UNC13C: variants seen among roughly 807,000 people sequenced by gnomAD.
The protein encoded by UNC13C is unc-13 homolog C.
UNC13C carries 174 observed loss-of-function variants against 245.4 expected under a neutral mutation model. That is an observed-to-expected ratio of 0.71 (90% confidence interval 0.63 to 0.80). The LOEUF is 0.80. Among genes scored for constraint, UNC13C ranks in the 30% least tolerant of loss-of-function variants. The probability of loss-of-function intolerance (pLI) is 0.00; values close to 1 mark genes in which losing one functional copy is unlikely to be tolerated. For missense variants in UNC13C, 2,829 were observed against 2,602.9 expected (o/e 1.09, Z -1.89); for synonymous variants, 992 against 895.1 (o/e 1.11, Z -1.93).
intron 28 of UNC13C, among the ~76,000 whole-genome samples, chr15:54,554,593 C>T (rs889969213): frequency 2.0e-5 from 3 of 151,976 alleles, no homozygotes; most frequent in East Asian, 1.9e-4. Context: ...AAACGTTTTC[C>T]CTGTATTAAA....
chr15:54,288,685 T>C (rs777516740), intron 10 of UNC13C, among the ~76,000 whole-genome samples: 4 of 152,110 alleles, frequency 2.6e-5, no homozygotes, highest in Non-Finnish European at 5.9e-5. Context: ...AGTGTACTTA[T>C]AGCGTCTGCC....
At chr15:54,175,575 C>G (rs1013853169) in intron 4 of UNC13C, among the ~76,000 whole-genome samples, 1 of 141,650 alleles carries the variant, frequency 7.1e-6, no homozygotes, top group Non-Finnish European at 1.5e-5. Flanking sequence ...CGTAGTGGCG[C>G]GATCTCGGCT....
chr15:54,309,338 T>A (rs1484450998), intron 13 of UNC13C, among the ~76,000 whole-genome samples: 4 of 152,080 alleles, frequency 2.6e-5, no homozygotes, highest in Admixed American at 2.6e-4. Context: ...TTTGCCCATT[T>A]TTTAATCATG....
At chr15:54,395,186 A>G (rs1246920981) in intron 18 of UNC13C, among the ~76,000 whole-genome samples, 1 of 151,744 alleles carries the variant, frequency 6.6e-6, no homozygotes, top group East Asian at 1.9e-4. Context: ...TTAGTTTCTC[A>G]TTTAATTTAA....
chr15:54,448,783 TA>T (rs1200744417), intron 19 of UNC13C, among the ~76,000 whole-genome samples: 1 of 152,234 alleles, frequency 6.6e-6, no homozygotes, highest in Admixed American at 6.5e-5. Context: ...CATTTAAGGT[TA>T]ATATTGTTAT....
At chr15:53,950,249 CAGT>C in the UNC13C span, among the ~76,000 whole-genome samples, 1 of 152,168 alleles carries the variant, frequency 6.6e-6, no homozygotes, top group Non-Finnish European at 1.5e-5. Flanking sequence ...TTAATTTTCA[CAGT>C]AGCCATGTGA....
intron 18 of UNC13C, among the ~76,000 whole-genome samples, chr15:54,397,668 C>A (rs2040098002): frequency 6.6e-6 from 1 of 151,280 alleles, no homozygotes; most frequent in Non-Finnish European, 1.5e-5. Context: ...ATGGCATGTA[C>A]ATGCATTAAG....
intron 2 of UNC13C, among the ~76,000 whole-genome samples, chr15:54,117,872 C>T (rs1056571807): frequency 3.9e-5 from 6 of 152,114 alleles, no homozygotes; most frequent in East Asian, 1.9e-4. Context: ...TGTACTACCA[C>T]GCCTGGCCCC....
the UNC13C span, among the ~76,000 whole-genome samples, chr15:53,906,812 A>C: frequency 6.6e-6 from 1 of 152,206 alleles, no homozygotes; most frequent in African/African-American, 2.4e-5. Context: ...GGTCCTCAAG[A>C]AACTTATAAT....
intron 18 of UNC13C, among the ~76,000 whole-genome samples, chr15:54,395,982 T>A (rs1012636202): frequency 6.6e-6 from 1 of 151,750 alleles, no homozygotes; most frequent in East Asian, 1.9e-4. Context: ...TATAATGAAT[T>A]TTAGATGTTT....
chr15:54,317,622 T>A (rs2038042056), intron 13 of UNC13C, among the ~76,000 whole-genome samples: 2 of 151,990 alleles, frequency 1.3e-5, no homozygotes, highest in African/African-American at 2.4e-5. Flanking sequence ...AACTGACAGA[T>A]AAAATTATAC....
chr15:53,944,313 A>G, the UNC13C span, among the ~76,000 whole-genome samples: 1 of 152,088 alleles, frequency 6.6e-6, no homozygotes, highest in African/African-American at 2.4e-5. Context: ...TATAATTAAA[A>G]TCATTTCACG....
At chr15:54,178,616 G>A (rs951156638) in intron 4 of UNC13C, among the ~76,000 whole-genome samples, 3 of 152,056 alleles carry the variant, frequency 2.0e-5, no homozygotes, top group African/African-American at 7.2e-5. Flanking sequence ...TGTTGTTTTC[G>A]TCCCTGGAAA....
At chr15:54,244,041 A>G (rs1355118667) in intron 7 of UNC13C, among the ~76,000 whole-genome samples, 1 of 152,140 alleles carries the variant, frequency 6.6e-6, no homozygotes, top group Non-Finnish European at 1.5e-5. Context: ...TTTTGTCATG[A>G]AATCTTTGCC....
At chr15:53,946,442 C>CTTTT in the UNC13C span, among the ~76,000 whole-genome samples, 1 of 68,950 alleles carries the variant, frequency 1.5e-5, no homozygotes, top group Admixed American at 1.6e-4. Flanking sequence ...CTGAGGTGTT[C>CTTTT]TTTTTTTTGT....
chr15:54,385,927 C>T (rs2039828133), intron 17 of UNC13C, among the ~76,000 whole-genome samples: 1 of 152,118 alleles, frequency 6.6e-6, no homozygotes, highest in Non-Finnish European at 1.5e-5. Flanking sequence ...TTGATTGTGC[C>T]TATAATTCTC....
intron 17 of UNC13C, among the ~76,000 whole-genome samples, chr15:54,386,112 G>A (rs1019781274): frequency 1.3e-5 from 2 of 152,122 alleles, no homozygotes; most frequent in African/African-American, 2.4e-5. Flanking sequence ...GTTGCCGTCT[G>A]TATATATAAA....
intron 4 of UNC13C, among the ~76,000 whole-genome samples, chr15:54,222,118 C>T (rs1326535927): frequency 6.6e-6 from 1 of 151,958 alleles, no homozygotes; most frequent in Non-Finnish European, 1.5e-5. Context: ...TTCGATCATA[C>T]TATATTAGTT....
intron 20 of UNC13C, among the ~76,000 whole-genome samples, chr15:54,495,140 T>C (rs1893893940): frequency 6.6e-6 from 1 of 152,002 alleles, no homozygotes. Flanking sequence ...AAAATAGAAA[T>C]AGTGGTTTAA....
Sources: gnomAD v4.1 joint callset for allele counts (sites outside exome capture counted in the v4.1 genomes callset) on GRCh38, gnomAD v4.1.1 for gene constraint, MANE v1.5 for transcripts, NCBI Gene and HGNC (gene_info 2026-07-23, HGNC 2026-07-21) for gene names.